Variants in KDM5A observed in about 807,000 individuals in gnomAD.
KDM5A encodes lysine-specific demethylase 5A.
In KDM5A, 42 loss-of-function variants were observed where a neutral mutation model predicts 193.5. The ratio of observed to expected loss-of-function variants is 0.22; its 90% CI spans 0.17 to 0.28. The LOEUF (loss-of-function observed/expected upper bound fraction) is 0.28. Among genes scored for constraint, KDM5A ranks in the 10% least tolerant of loss-of-function variants. The probability of loss-of-function intolerance (pLI) is 1.00; values close to 1 mark genes in which losing one functional copy is unlikely to be tolerated. For synonymous variants in KDM5A, 796 were observed against 718.1 expected, an observed-to-expected ratio of 1.11 and a Z score of -1.73; for missense variants, 1,692 against 2,055.1, an observed-to-expected ratio of 0.82 and a Z score of 3.42.
At chr12:343,370 C>T (rs1297830012) in intron 10 of KDM5A, among the ~76,000 whole-genome samples, 3 of 152,228 alleles carry the variant, frequency 2.0e-5, no homozygotes, top group African/African-American at 7.2e-5. Context: ...AGGCAGCAGA[C>T]AACTTCTGCA....
intron 18 of KDM5A, among the ~76,000 whole-genome samples, chr12:319,597 C>G (rs921322316): frequency 6.6e-6 from 1 of 151,866 alleles, no homozygotes; most frequent in Non-Finnish European, 1.5e-5. Flanking sequence ...ACAAAACATA[C>G]AAAAATTAGC....
At chr12:333,768 C>T in intron 11 of KDM5A, 119 bp from the exon 12 acceptor site, 1 of 975,544 alleles carries the variant, frequency 1.0e-6, no homozygotes, top group South Asian at 1.3e-5. Flanking sequence ...GATTATATGC[C>T]CTGAATTCTG....
intron 26 of KDM5A, among the ~76,000 whole-genome samples, chr12:294,370 T>C (rs1943343094): frequency 6.6e-6 from 1 of 152,218 alleles, no homozygotes; most frequent in Admixed American, 6.5e-5. Context: ...AACTCATTTT[T>C]CTACAGATCT....
At chr12:334,463 G>A (rs2137426358) in intron 10 of KDM5A, 41 bp from the exon 11 acceptor site, 1 of 1,553,816 alleles carries the variant, frequency 6.4e-7, no homozygotes, top group Non-Finnish European at 8.9e-7. Context: ...GATCAGAAAT[G>A]AAAAGTGCTC....
At chr12:328,133 T>G (rs1054080129) in intron 14 of KDM5A, among the ~76,000 whole-genome samples, 1 of 152,024 alleles carries the variant, frequency 6.6e-6, no homozygotes, top group African/African-American at 2.4e-5. Context: ...ATATACAGAG[T>G]CAAAACTTAT....
intron 13 of KDM5A, among the ~76,000 whole-genome samples, chr12:331,180 C>T (rs1044515003): frequency 1.3e-5 from 2 of 151,942 alleles, no homozygotes; most frequent in African/African-American, 4.8e-5. Context: ...CACAGAGCTA[C>T]GTATTTGAAA....
Position 356,438 on chromosome 12 carries a change from T to C in KDM5A, c.772A>G (p.Lys258Glu). ...VVGLAMGTKD[K>E]EDEVTRRRKV... ...ATCAAACAACAAATTTTACCTTCTT[T>C]ATCTTTTGTTCCCATTGCCAAGCCC... Residue 258 changes from lysine to glutamate, a missense_variant, in exon 6 of 28, where the codon AAA becomes GAA. This residue lies in a region of KDM5A where 134 missense variants were observed against 124.2 expected (regional missense o/e 1.08). Transcript: ENST00000399788. The C allele has an allele frequency of 1.3e-6, 2 of 1,597,784 alleles. No homozygotes were observed. The highest frequency in any genetic ancestry group is 1.7e-6 in the Non-Finnish European group (2 of 1,165,144).
In KDM5A at chr12:384,185, T is replaced by C. The variant is rs368656046; in HGVS notation, c.244-32A>G. On this transcript the variant is annotated intron_variant, in intron 2 of 27. Coordinates refer to ENST00000399788, the MANE Select transcript of KDM5A (RefSeq NM_001042603.3). ...TTATTAAAATACAGAAGAACTAAGT[T>C]ATGATTGAAATGAATAAGAATAACA... is the stretch of plus-strand genomic sequence containing the variant. 5.5e-4 allele frequency: 839 copies of C among 1,517,088 alleles called. 1 individual carries two copies. Among genetic ancestry groups the C allele is most frequent in the Admixed American group, 1.7e-3 (104 of 59,840 alleles). The allele number at this position is 1,517,088 out of a possible 1,614,324, so 94.0% of individuals were successfully genotyped here. A position where few individuals can be genotyped will look rare whatever the true frequency, so the allele number is the denominator to read the frequency against.
chr12:316,897 C>G (rs1023269065), intron 19 of KDM5A, among the ~76,000 whole-genome samples: 5 of 152,174 alleles, frequency 3.3e-5, no homozygotes, highest in Non-Finnish European at 7.4e-5. Context: ...GTTAAGTACA[C>G]AGAGGTATTG....
intron 3 of KDM5A, among the ~76,000 whole-genome samples, chr12:377,523 T>C (rs991324507): frequency 6.6e-6 from 1 of 151,998 alleles, no homozygotes; most frequent in African/African-American, 2.4e-5. Flanking sequence ...AGAATTAATA[T>C]AGCATCGTTC....
chr12:291,534 C>T (rs1482170158), intron 27 of KDM5A, among the ~76,000 whole-genome samples: 2 of 152,118 alleles, frequency 1.3e-5, no homozygotes, highest in Admixed American at 1.3e-4. Flanking sequence ...AATGAGCAGC[C>T]TGAACAAAGT....
At chr12:351,626 G>A (rs1268699813) in intron 9 of KDM5A, among the ~76,000 whole-genome samples, 2 of 152,068 alleles carry the variant, frequency 1.3e-5, no homozygotes, top group Non-Finnish European at 2.9e-5. Flanking sequence ...AATACTTTAC[G>A]CTTTTCTGTA....
chr12:298,764 C>G (rs139093800), intron 24 of KDM5A, among the ~76,000 whole-genome samples: 1 of 152,002 alleles, frequency 6.6e-6, no homozygotes, highest in African/African-American at 2.4e-5. Context: ...AGCTAAAGGA[C>G]CATGTTCTAA....
chr12:339,340 A>T (rs1490887251), intron 10 of KDM5A, among the ~76,000 whole-genome samples: 2 of 151,670 alleles, frequency 1.3e-5, no homozygotes, highest in Admixed American at 1.3e-4. Flanking sequence ...ATTTATATAA[A>T]GTATAAAAAG....
At chr12:316,652 T>A (rs1465663058) in intron 19 of KDM5A, among the ~76,000 whole-genome samples, 1 of 152,254 alleles carries the variant, frequency 6.6e-6, no homozygotes, top group East Asian at 1.9e-4. Flanking sequence ...CAAAGTTATT[T>A]AGCTTTGTCC....
chr12:288,915 G>A (rs982253759), intron 27 of KDM5A, among the ~76,000 whole-genome samples: 15 of 152,200 alleles, frequency 9.9e-5, no homozygotes, highest in African/African-American at 2.7e-4. Flanking sequence ...AACATCATGC[G>A]CGTGCACGCG....
chr12:367,212 T>C (rs1224199425), intron 3 of KDM5A, among the ~76,000 whole-genome samples: 1 of 152,162 alleles, frequency 6.6e-6, no homozygotes, highest in East Asian at 1.9e-4. Flanking sequence ...CAAACTCAGT[T>C]TCTCCTATTT....
chr12:341,677 G>A (rs939461770), intron 10 of KDM5A, among the ~76,000 whole-genome samples: 4 of 152,102 alleles, frequency 2.6e-5, no homozygotes, highest in South Asian at 2.1e-4. Flanking sequence ...CAAGGTGAGC[G>A]AATCACGAGG....
intron 3 of KDM5A, among the ~76,000 whole-genome samples, chr12:375,255 C>A: frequency 6.6e-6 from 1 of 152,188 alleles, no homozygotes; most frequent in East Asian, 1.9e-4. Context: ...TCCCACATTT[C>A]TTGGAGGCTT....
Sources: allele counts gnomAD v4.1 joint callset (sites outside exome capture counted in the v4.1 genomes callset), GRCh38; gene constraint gnomAD v4.1.1; regional missense constraint gnomAD v4.1.1; transcripts MANE v1.5; gene names NCBI Gene and HGNC (gene_info 2026-07-23, HGNC 2026-07-21).